The following ESYT2 variants were observed in gnomAD, a reference collection of about 807,000 sequenced individuals.
ESYT2 encodes the protein extended synaptotagmin-2.
Under a neutral mutation model 107.2 loss-of-function variants are expected in ESYT2, and 54 were observed. That is an observed-to-expected ratio of 0.50 (90% CI 0.40 to 0.63). ESYT2 has a LOEUF of 0.63. Ranked by LOEUF, ESYT2 falls within the 30% of genes least tolerant of loss-of-function variation. The pLI, the probability that ESYT2 is intolerant of heterozygous loss-of-function variation, is 0.00. For synonymous variants in ESYT2, 491 were observed against 434.1 expected (o/e 1.13, Z -1.63); for missense variants, 1,020 against 1,094.5 (o/e 0.93, Z 0.96).
At position 158,792,592 on chromosome 7, in the gene ESYT2, T is replaced by C. The variant is rs189066252; in HGVS notation, c.584+1058A>G. 5.0e-3 allele frequency among the ~76,000 whole-genome samples: 739 copies of C among 149,014 alleles called. 12 individuals are homozygous for C. The highest frequency in any genetic ancestry group is 0.017 in the African/African-American group (668 of 40,366). On this transcript the variant is annotated intron_variant, in intron 4 of 22. Coordinates refer to ENST00000275418, the MANE Select transcript of ESYT2 (RefSeq NM_001367773.1). ...CATATATATAAATATATATATATAA[T>C]GTCTTTCTTCCTTTCCAGCCTGGGT...
chr7:158,827,234 T>C (rs1471166113), intron 1 of ESYT2, among the ~76,000 whole-genome samples: 1 of 151,860 alleles, frequency 6.6e-6, no homozygotes, highest in Non-Finnish European at 1.5e-5. Flanking sequence ...AAATTTGATA[T>C]TAGCCAATAA....
chr7:158,821,023 C>T (rs551239605), intron 1 of ESYT2, among the ~76,000 whole-genome samples: 1 of 152,210 alleles, frequency 6.6e-6, no homozygotes, highest in South Asian at 2.1e-4. Context: ...ATAAATTGGA[C>T]TAGTTTCTTA....
chr7:158,767,904 C>T (rs1437790738), intron 7 of ESYT2, 130 bp from the exon 8 acceptor site: 1 of 1,028,712 alleles, frequency 9.7e-7, no homozygotes, highest in Non-Finnish European at 1.3e-6. Context: ...TTATCTCATT[C>T]CTCCAGTGCA....
intron 9 of ESYT2, among the ~76,000 whole-genome samples, chr7:158,763,539 C>T (rs1194898408): frequency 6.6e-6 from 1 of 152,304 alleles, no homozygotes; most frequent in East Asian, 1.9e-4. Context: ...AAATGATCCA[C>T]CCACCTCGGC....
At position 158,793,610 on chromosome 7, in the gene ESYT2, G is replaced by A. The variant is rs368815568; in HGVS notation, c.584+40C>T. The A allele has an allele frequency of 1.5e-5, 21 of 1,434,370 alleles. No homozygotes were observed. Among genetic ancestry groups the A allele is most frequent in the South Asian group, 2.3e-5 (2 of 86,428 alleles). The allele number at this position is 1,434,370 out of a possible 1,614,324, so 88.9% of individuals were successfully genotyped here. A position where few individuals can be genotyped will look rare whatever the true frequency, so the allele number is the denominator to read the frequency against. On this transcript the variant is annotated intron_variant, in intron 4 of 22. Transcript: ENST00000275418. ...CAGGTACAGCTAAGTGACATTACAC[G>A]CCATTAACCATAACACAAATATAAC...
chr7:158,828,436 C>T (rs1840518941), intron 1 of ESYT2, among the ~76,000 whole-genome samples: 1 of 152,160 alleles, frequency 6.6e-6, no homozygotes, highest in African/African-American at 2.4e-5. Flanking sequence ...CAGGAGGAAG[C>T]GCGCGCTCCG....
chr7:158,743,701 A>G, intron 16 of ESYT2, 23 bp from the exon 17 acceptor site: 1 of 1,597,768 alleles, frequency 6.3e-7, no homozygotes, highest in Non-Finnish European at 8.5e-7. Context: ...GGGTGGAAAC[A>G]CTGGCATAAC....
chr7:158,759,381 C>A, intron 13 of ESYT2, 105 bp downstream of exon 13: 1 of 872,106 alleles, frequency 1.1e-6, no homozygotes, highest in South Asian at 1.9e-5. Flanking sequence ...GAAAACACAA[C>A]AAGAAGAGAA....
chr7:158,808,578 T>C (rs1329422602), intron 1 of ESYT2, among the ~76,000 whole-genome samples: 1 of 152,222 alleles, frequency 6.6e-6, no homozygotes, highest in East Asian at 1.9e-4. Flanking sequence ...ATCTTCCATC[T>C]GTGAAACTGA....
chr7:158,772,674 C>T (rs1289787054), intron 7 of ESYT2, among the ~76,000 whole-genome samples: 1 of 152,160 alleles, frequency 6.6e-6, no homozygotes, highest in Non-Finnish European at 1.5e-5. Flanking sequence ...TAGAATGACT[C>T]CTTGTCTCTA....
chr7:158,808,557 T>A (rs1414545224), intron 1 of ESYT2, among the ~76,000 whole-genome samples: 5 of 152,214 alleles, frequency 3.3e-5, no homozygotes, highest in Non-Finnish European at 7.3e-5. Context: ...GTTGCTAAGA[T>A]GTAAGAACGA....
chr7:158,767,452 C>T (rs554647904), intron 8 of ESYT2, among the ~76,000 whole-genome samples: 2 of 152,302 alleles, frequency 1.3e-5, no homozygotes, highest in South Asian at 4.1e-4. Flanking sequence ...CCTGCTGTCT[C>T]CACGACAAGC....
chr7:158,793,909 C>G (rs1417370018), intron 3 of ESYT2, among the ~76,000 whole-genome samples, 183 bp from the exon 4 acceptor site: 1 of 152,192 alleles, frequency 6.6e-6, no homozygotes, highest in Non-Finnish European at 1.5e-5. Flanking sequence ...CCTCACCTTC[C>G]TCCCGTGAGC....
chr7:158,762,241 T>C (rs1014784675), intron 10 of ESYT2, among the ~76,000 whole-genome samples: 1 of 152,064 alleles, frequency 6.6e-6, no homozygotes, highest in African/African-American at 2.4e-5. Context: ...TACACCGCCT[T>C]CTCTCTGTCC....
intron 5 of ESYT2, 64 bp from the exon 6 acceptor site, chr7:158,788,157 G>A: frequency 7.1e-7 from 1 of 1,403,596 alleles, no homozygotes; most frequent in South Asian, 1.2e-5. Flanking sequence ...CTTAACGCAA[G>A]GAGTTTGCAT....
At chr7:158,774,949 C>T (rs1838498783) in intron 6 of ESYT2, among the ~76,000 whole-genome samples, 1 of 152,132 alleles carries the variant, frequency 6.6e-6, no homozygotes, top group African/African-American at 2.4e-5. Context: ...TAGATGAGGC[C>T]ATTGTAGTTA....
chr7:158,741,089 CT>C (rs1837182170), intron 18 of ESYT2, among the ~76,000 whole-genome samples: 1 of 152,180 alleles, frequency 6.6e-6, no homozygotes, highest in Non-Finnish European at 1.5e-5. Flanking sequence ...ACAAAAGAGA[CT>C]GAGCAACAGG....
chr7:158,762,919 T>C (rs1348848930), intron 10 of ESYT2, among the ~76,000 whole-genome samples, 164 bp downstream of exon 10: 1 of 152,230 alleles, frequency 6.6e-6, no homozygotes, highest in Non-Finnish European at 1.5e-5. Context: ...CTTTTAGGAA[T>C]AAAAATGTTT....
intron 6 of ESYT2, among the ~76,000 whole-genome samples, chr7:158,781,869 G>A (rs2129472913): frequency 1.3e-5 from 1 of 75,752 alleles, no homozygotes; most frequent in Middle Eastern, 7.9e-3. Flanking sequence ...GTAAGTGTAA[G>A]AACGAGAACA....
Sources: gnomAD v4.1 joint callset for allele counts (sites outside exome capture counted in the v4.1 genomes callset) on GRCh38, gnomAD v4.1.1 for gene constraint, MANE v1.5 for transcripts, NCBI Gene and HGNC (gene_info 2026-07-23, HGNC 2026-07-21) for gene names.